Variants in GPR158 observed in about 807,000 individuals in gnomAD.
GPR158 encodes the protein metabotropic glycine receptor.
A neutral mutation model predicts 78.2 loss-of-function variants in GPR158; 30 were observed. The observed-to-expected ratio is 0.38, with a 90% CI of 0.29 to 0.52. The LOEUF is 0.52. Ranked by LOEUF, GPR158 falls within the 20% of genes least tolerant of loss-of-function variation. GPR158 has a pLI of 0.83. For missense variants in GPR158, 1,463 were observed against 1,523.5 expected (o/e 0.96, Z 0.66); for synonymous variants, 581 against 591.1 (o/e 0.98, Z 0.25).
At chr10:25,218,414 G>T (rs950586552) in intron 1 of GPR158, among the ~76,000 whole-genome samples, 2 of 152,150 alleles carry the variant, frequency 1.3e-5, no homozygotes, top group African/African-American at 4.8e-5. Context: ...GTTTTCTCCA[G>T]GGAAGGAAAC....
At chr10:25,589,174 C>A (rs1564499024) in intron 8 of GPR158, 29 bp downstream of exon 8, 4 of 1,527,472 alleles carry the variant, frequency 2.6e-6, no homozygotes, top group Non-Finnish European at 3.6e-6. Flanking sequence ...TAGTAAATAA[C>A]TATTTTATTT....
At chr10:25,477,468 C>T (rs906773743) in intron 5 of GPR158, among the ~76,000 whole-genome samples, 1 of 152,070 alleles carries the variant, frequency 6.6e-6, no homozygotes, top group Non-Finnish European at 1.5e-5. Flanking sequence ...ACTTCATTCC[C>T]TCAACCCTGC....
chr10:25,450,020 T>C (rs1835193001), intron 4 of GPR158, among the ~76,000 whole-genome samples: 1 of 150,064 alleles, frequency 6.7e-6, no homozygotes, highest in South Asian at 2.1e-4. Context: ...AAAAACCTCC[T>C]CCCTGACACT....
intron 2 of GPR158, among the ~76,000 whole-genome samples, chr10:25,372,867 TAAATA>T (rs1834019955): frequency 6.6e-6 from 1 of 150,388 alleles, no homozygotes; most frequent in African/African-American, 2.4e-5. Flanking sequence ...ATAAAATAAA[TAAATA>T]AATAAAATGG....
At chr10:25,367,368 A>G (rs757206794) in intron 2 of GPR158, among the ~76,000 whole-genome samples, 34 of 151,596 alleles carry the variant, frequency 2.2e-4, no homozygotes, top group Non-Finnish European at 4.1e-4. Flanking sequence ...TGTCAATACT[A>G]CATTATTATA....
chr10:25,350,716 G>A (rs2130518623), intron 2 of GPR158, among the ~76,000 whole-genome samples: 1 of 152,056 alleles, frequency 6.6e-6, no homozygotes. Context: ...CTTGGAGACA[G>A]GACAGTTGTT....
Position 25,572,835 on chromosome 10 carries a change from C to G in GPR158, c.1701C>G (p.His567Gln), listed in dbSNP as rs1185828938. 1 of 1,613,634 alleles carries G rather than the reference C, an allele frequency of 6.2e-7. No homozygotes were observed. The highest frequency in any genetic ancestry group is 8.5e-7 in the Non-Finnish European group (1 of 1,179,686). The change falls in exon 7 of 11, where the codon CAC (histidine) becomes CAG (glutamine). Residue 567 changes from histidine to glutamine, a missense_variant. Transcript: ENST00000376351. Reference sequence around the variant, plus strand: ...TTGGCCAGGGGAAAACATCCGATCACCTCATCTTCAATATGTGCCTCATTG... The same window carrying G: ...TTGGCCAGGGGAAAACATCCGATCAGCTCATCTTCAATATGTGCCTCATTG... ...SLIGQGKTSD[H>Q]LIFNMCLIDR...
intron 2 of GPR158, 49 bp from the exon 3 acceptor site, chr10:25,395,862 C>A: frequency 1.1e-6 from 1 of 881,908 alleles, no homozygotes; most frequent in South Asian, 1.4e-5. Context: ...GCCTTTATAC[C>A]ATGAGATAAG....
intron 5 of GPR158, among the ~76,000 whole-genome samples, chr10:25,542,225 A>G (rs1012138716): frequency 1.3e-5 from 2 of 152,134 alleles, no homozygotes; most frequent in African/African-American, 2.4e-5. Context: ...TAAATTCACA[A>G]CCAGTTTCAC....
chr10:25,384,655 T>A (rs1298703222), intron 2 of GPR158, among the ~76,000 whole-genome samples: 2 of 151,946 alleles, frequency 1.3e-5, no homozygotes, highest in Non-Finnish European at 2.9e-5. Context: ...TTAGTTTTTT[T>A]CAGAATTATT....
At chr10:25,460,748 C>T (rs866161878) in intron 4 of GPR158, among the ~76,000 whole-genome samples, 1 of 152,082 alleles carries the variant, frequency 6.6e-6, no homozygotes, top group African/African-American at 2.4e-5. Context: ...TTTTATTGTG[C>T]TTTGCTCTAT....
chr10:25,205,743 C>A (rs1853017459), intron 1 of GPR158, among the ~76,000 whole-genome samples: 1 of 151,948 alleles, frequency 6.6e-6, no homozygotes, highest in Non-Finnish European at 1.5e-5. Context: ...TAGGCTTGAG[C>A]AATTTTCTTG....
intron 2 of GPR158, among the ~76,000 whole-genome samples, chr10:25,227,959 T>A (rs1181696532): frequency 6.6e-6 from 1 of 152,180 alleles, no homozygotes; most frequent in Non-Finnish European, 1.5e-5. Flanking sequence ...AATGTGATAT[T>A]GGTAGGAATG....
Position 25,596,754 on chromosome 10 carries a change from T to C in GPR158, c.2110T>C (p.Trp704Arg). The change falls in exon 10 of 11, where the codon TGG becomes CGG. Residue 704 changes from tryptophan (W) to arginine (R), a missense_variant. Transcript: ENST00000376351. ...CCTGAACAGCAGTATCAATTCAGCC[T>C]GGAGTGAGCACAGCTTGGATCCAGA... is the stretch of plus-strand genomic sequence containing the variant. Reference protein sequence around the residue: ...SYLNSSINSAWSEHSLDPEDI... With the variant: ...SYLNSSINSARSEHSLDPEDI... 6.2e-7 allele frequency: 1 copy of C among 1,613,856 alleles called. No homozygotes were observed. The highest frequency in any genetic ancestry group is 8.5e-7 in the Non-Finnish European group (1 of 1,179,818).
intron 2 of GPR158, among the ~76,000 whole-genome samples, chr10:25,255,689 G>C (rs1853880869): frequency 6.6e-6 from 1 of 152,176 alleles, no homozygotes; most frequent in Non-Finnish European, 1.5e-5. Context: ...CAGCCTGGAT[G>C]GCTGTCTTCT....
At chr10:25,433,346 G>T (rs1237619165) in intron 4 of GPR158, among the ~76,000 whole-genome samples, 1 of 151,928 alleles carries the variant, frequency 6.6e-6, no homozygotes, top group Non-Finnish European at 1.5e-5. Context: ...AACTTAACGT[G>T]CCAGATGCCT....
chr10:25,499,781 G>A (rs1454892244), intron 5 of GPR158, among the ~76,000 whole-genome samples: 1 of 152,156 alleles, frequency 6.6e-6, no homozygotes, highest in African/African-American at 2.4e-5. Context: ...CAGGCAACAT[G>A]CATAGCAAGT....
intron 4 of GPR158, among the ~76,000 whole-genome samples, chr10:25,415,497 G>T (rs1031749559): frequency 2.8e-4 from 43 of 152,068 alleles, no homozygotes; most frequent in African/African-American, 9.9e-4. Context: ...AGAAAAGATG[G>T]TAGCAAGTGT....
intron 7 of GPR158, among the ~76,000 whole-genome samples, chr10:25,580,189 T>G (rs1837169577): frequency 1.3e-5 from 2 of 152,350 alleles, no homozygotes; most frequent in Admixed American, 1.3e-4. Flanking sequence ...ATTTGGAAAT[T>G]TTTAAATATT....
Sources: allele counts gnomAD v4.1 joint callset (sites outside exome capture counted in the v4.1 genomes callset), GRCh38; gene constraint gnomAD v4.1.1; transcripts MANE v1.5; gene names NCBI Gene and HGNC (gene_info 2026-07-23, HGNC 2026-07-21).